Variants in TNFSF10 observed in about 807,000 individuals in gnomAD.
The protein encoded by TNFSF10 is tumor necrosis factor ligand superfamily member 10.
In TNFSF10, 13 loss-of-function variants were observed where a neutral mutation model predicts 29.5. The observed-to-expected ratio is 0.44, with a 90% CI of 0.29 to 0.70. TNFSF10 has a LOEUF of 0.70. TNFSF10 is among the 30% of genes least tolerant of loss of function. The pLI is 0.13. For missense variants in TNFSF10, 345 were observed against 330.9 expected, an observed-to-expected ratio of 1.04 and a Z score of -0.33; for synonymous variants, 111 against 112.8, an observed-to-expected ratio of 0.98 and a Z score of 0.10.
chr3:172,511,165 A>G (rs1713205960), intron 3 of TNFSF10, among the ~76,000 whole-genome samples: 1 of 152,126 alleles, frequency 6.6e-6, no homozygotes, highest in Non-Finnish European at 1.5e-5. Context: ...GGGTGGGTAG[A>G]AAGATTGTTG....
chr3:172,516,119 C>A (rs1407707462), intron 1 of TNFSF10, among the ~76,000 whole-genome samples: 1 of 152,082 alleles, frequency 6.6e-6, no homozygotes, highest in African/African-American at 2.4e-5. Flanking sequence ...AAAAAATTAG[C>A]TGGGCGTGGT....
Position 172,523,317 on chromosome 3 carries a change from G to C in TNFSF10, c.68C>G (p.Thr23Arg). 6.2e-7 allele frequency: 1 copy of C among 1,614,136 alleles called. No individual in the cohort carries two copies. The highest frequency in any genetic ancestry group is 1.7e-5 in the Admixed American group (1 of 60,028). ...GQTCVLIVIF[T>R]VLLQSLCVAV... ...CACACAGAGAGACTGCAGGAGCACT[G>C]TGAAGATCACGATCAGCACGCAGGT... Residue 23 changes from threonine to arginine, a missense_variant, in exon 1 of 5, where the codon ACA (threonine) becomes AGA (arginine). Physicochemically the swap from Thr to Arg is moderately conservative, Grantham distance 71 (BLOSUM62 -1). Coordinates refer to ENST00000241261, the MANE Select transcript of TNFSF10 (RefSeq NM_003810.4).
chr3:172,523,132 T>C, intron 1 of TNFSF10, 121 bp downstream of exon 1: 2 of 1,244,680 alleles, frequency 1.6e-6, no homozygotes, highest in Non-Finnish European at 2.2e-6. Flanking sequence ...GCAGTTAGAG[T>C]GTACCCACAG....
intron 1 of TNFSF10, chr3:172,522,324 A>G: frequency 1.1e-6 from 1 of 875,996 alleles, no homozygotes; most frequent in Admixed American, 1.7e-5. Flanking sequence ...AAAGACTCTA[A>G]GAGCTACATT....
In TNFSF10 at chr3:172,522,469, G is replaced by GAATT. The variant is rs1713741064; in HGVS notation, c.132+783_132+784insAATT. On this transcript the variant is annotated intron_variant, in intron 1 of 4. Coordinates refer to ENST00000241261, the MANE Select transcript of TNFSF10 (RefSeq NM_003810.4). ...TTATCATTCACCACTTAATTGGTTAGAATCTCTTACTGTGCACCTTTTAAA... is the reference window on the plus strand; with the variant it reads ...TTATCATTCACCACTTAATTGGTTAGAATTAATCTCTTACTGTGCACCTTTTAAA... 9.0e-6 allele frequency: 12 copies of GAATT among 1,340,216 alleles called. No homozygotes were observed. In the South Asian group the frequency reaches 1.3e-4, roughly 14 times the overall value. The allele number at this position is 1,340,216 out of a possible 1,614,324, so 83.0% of individuals were successfully genotyped here.
intron 1 of TNFSF10, chr3:172,522,501 T>C: frequency 1.0e-6 from 1 of 980,608 alleles, no homozygotes; most frequent in Non-Finnish European, 1.6e-6. Context: ...TAAAACCTGC[T>C]GCACATTGGA....
chr3:172,515,510 A>G (rs1460900411), intron 1 of TNFSF10, among the ~76,000 whole-genome samples: 1 of 152,206 alleles, frequency 6.6e-6, no homozygotes, highest in Non-Finnish European at 1.5e-5. Flanking sequence ...AGCTGTGGCT[A>G]GCTAAATAGA....
chr3:172,506,275 C>A lies in TNFSF10; in HGVS notation c.*217G>T. On this transcript the variant is annotated 3_prime_UTR_variant, in exon 5 of 5. Transcript: ENST00000241261. ...GGTAGAGTCCTGAAAGATCTTTCAG[C>A]AATTTCATTCTCTTGGGATAAGTGA... 2.0e-6 allele frequency: 1 copy of A among 505,014 alleles called. No homozygotes were observed. Among genetic ancestry groups the A allele is most frequent in the Non-Finnish European group, 3.5e-6 (1 of 289,346 alleles). The allele number at this position is 505,014 out of a possible 1,614,324, so 31.3% of individuals were successfully genotyped here. A position where few individuals can be genotyped will look rare whatever the true frequency, so the allele number is the denominator to read the frequency against.
intron 4 of TNFSF10, 64 bp downstream of exon 4, chr3:172,509,153 T>C: frequency 7.2e-7 from 1 of 1,381,250 alleles, no homozygotes; most frequent in Non-Finnish European, 1.0e-6. Flanking sequence ...CTTTAAAAAA[T>C]AAGTTACTTG....
intron 1 of TNFSF10, among the ~76,000 whole-genome samples, chr3:172,519,217 A>C (rs1713572340): frequency 6.6e-6 from 1 of 152,252 alleles, no homozygotes; most frequent in African/African-American, 2.4e-5. Context: ...ATTCTTCTGC[A>C]TGCCTAATGT....
Position 172,511,600 on chromosome 3 carries a change from A to G in TNFSF10, c.313+17T>C. On this transcript the variant is annotated intron_variant, in intron 3 of 4. Transcript: ENST00000241261. ...GATGACAGTAAAAAATTAAAATAAC[A>G]ACAAAAAAGATACTACCTTGAACTG... 1.9e-6 allele frequency: 3 copies of G among 1,598,902 alleles called. No homozygotes were observed. The highest frequency in any genetic ancestry group is 2.6e-6 in the Non-Finnish European group (3 of 1,173,488).
intron 2 of TNFSF10, among the ~76,000 whole-genome samples, chr3:172,513,778 T>G (rs1713323524): frequency 6.6e-6 from 1 of 152,180 alleles, no homozygotes; most frequent in Non-Finnish European, 1.5e-5. Flanking sequence ...CTTCATAGTT[T>G]ACAGAGTATT....
intron 1 of TNFSF10, among the ~76,000 whole-genome samples, chr3:172,516,862 G>C (rs1713458378): frequency 1.3e-5 from 2 of 152,202 alleles, no homozygotes; most frequent in African/African-American, 4.8e-5. Flanking sequence ...TGTGGGAAAG[G>C]ATCAAGAAGG....
chr3:172,508,409 G>T (rs3136602), intron 4 of TNFSF10, among the ~76,000 whole-genome samples: 38,169 of 152,096 alleles, frequency 0.25, 5,646 homozygotes, highest in African/African-American at 0.41. Flanking sequence ...TAAACTATAT[G>T]AAACTGACAT....
At chr3:172,512,859 G>T (rs1713281432) in intron 2 of TNFSF10, among the ~76,000 whole-genome samples, 1 of 152,212 alleles carries the variant, frequency 6.6e-6, no homozygotes, top group Admixed American at 6.5e-5. Flanking sequence ...TCAGTTACTG[G>T]CTCTGTGAGA....
intron 2 of TNFSF10, 35 bp downstream of exon 2, chr3:172,514,826 G>A (rs376821423): frequency 2.1e-5 from 34 of 1,609,716 alleles, no homozygotes; most frequent in Middle Eastern, 1.7e-4. Context: ...GGCCTTCTCC[G>A]CCTGCTGGTG....
chr3:172,518,271 G>C, intron 1 of TNFSF10: 2 of 1,160,294 alleles, frequency 1.7e-6, no homozygotes, highest in Non-Finnish European at 2.2e-6. Flanking sequence ...AGAAGCCCTT[G>C]GTTCTGAAAA....
rs962224030 is a variant in TNFSF10, at chr3:172,505,677, C to T, written c.*815G>A. The T allele has an allele frequency of 1.3e-5, 2 of 149,972 alleles. No homozygotes were observed. The highest frequency in any genetic ancestry group is 1.3e-4 in the Admixed American group (2 of 15,046). 9.3% of individuals were successfully genotyped at this position (149,972 alleles called of 1,614,324 possible). ...AATATGAGCACTACAGCAAACATGA[C>T]ATACTGTAATAGAATTTTATTGAAA... On this transcript the variant is annotated 3_prime_UTR_variant, in exon 5 of 5. Transcript: ENST00000241261.
chr3:172,508,272 G>A (rs1331065421), intron 4 of TNFSF10, among the ~76,000 whole-genome samples: 1 of 149,432 alleles, frequency 6.7e-6, no homozygotes, highest in South Asian at 2.1e-4. Flanking sequence ...TCCAGCCTGG[G>A]CGACAAAAGT....
Sources: gnomAD v4.1 joint callset for allele counts (sites outside exome capture counted in the v4.1 genomes callset) on GRCh38, gnomAD v4.1.1 for gene constraint, MANE v1.5 for transcripts, NCBI Gene and HGNC (gene_info 2026-07-23, HGNC 2026-07-21) for gene names.